The following ULK2 variants were observed in gnomAD, a reference collection of about 807,000 sequenced individuals.
The protein encoded by ULK2 is unc-51 like autophagy activating kinase 2.
A neutral mutation model predicts 127.5 loss-of-function variants in ULK2; 76 were observed. That is an observed-to-expected ratio of 0.60 (90% CI 0.50 to 0.72). ULK2 has a LOEUF of 0.72. ULK2 is among the 30% of genes least tolerant of loss of function. The pLI, the probability that ULK2 is intolerant of heterozygous loss-of-function variation, is 0.00. For missense variants in ULK2, 1,144 were observed against 1,295.9 expected (o/e 0.88, Z 1.80); for synonymous variants, 452 against 461.9 (o/e 0.98, Z 0.28).
chr17:19,856,034 T>C (rs2042119690), intron 3 of ULK2: 1 of 152,018 alleles, frequency 6.6e-6, no homozygotes, highest in Admixed American at 6.6e-5. Flanking sequence ...AAATAAGTAT[T>C]TAAAAATAAA....
intron 13 of ULK2, among the ~76,000 whole-genome samples, chr17:19,814,450 T>TGTTGTTGTTG (rs1245288933): frequency 1.7e-5 from 1 of 60,112 alleles, no homozygotes; most frequent in African/African-American, 7.7e-5. Flanking sequence ...TTTTTTTTTT[T>TGTTGTTGTTG]TTTTTTTTTT....
intron 21 of ULK2, 141 bp from the exon 22 acceptor site, chr17:19,784,046 T>A (rs1733996016): frequency 1.8e-6 from 1 of 551,250 alleles, no homozygotes; most frequent in African/African-American, 1.9e-5. Flanking sequence ...CTATGTACTA[T>A]TTGAGGATAT....
chr17:19,782,939 C>CAAACAAACAAAT (rs540563164), intron 22 of ULK2, among the ~76,000 whole-genome samples: 4 of 151,046 alleles, frequency 2.6e-5, no homozygotes, highest in Non-Finnish European at 3.0e-5. Flanking sequence ...AACAAACAAA[C>CAAACAAACAAAT]AAATAAATAA....
At chr17:19,852,433 A>C (rs1451400278) in intron 3 of ULK2, among the ~76,000 whole-genome samples, 3 of 148,752 alleles carry the variant, frequency 2.0e-5, no homozygotes, top group Non-Finnish European at 4.5e-5. Context: ...AGGCAGGAGA[A>C]TAGTGTGAAC....
At position 19,804,735 on chromosome 17, in the gene ULK2, G is replaced by T. The variant is rs1375643790; in HGVS notation, c.1253C>A (p.Thr418Lys). Residue 418 changes from threonine (T) to lysine (K), a missense_variant, in exon 15 of 27, where the codon ACA becomes AAA. Around this residue, in one of 2 missense-constraint regions of ULK2, gnomAD observed 913 missense variants for 970.5 expected, o/e 0.94. Transcript: ENST00000395544. Reference sequence around the variant, plus strand: ...ATTTGTGCCTGAGCTGGCAGTAGATGTAAGATTCTGCTCTATGCGCTGATA... The same window carrying T: ...ATTTGTGCCTGAGCTGGCAGTAGATTTAAGATTCTGCTCTATGCGCTGATA... The part of the protein sequence containing the change: ...RNYQRIEQNL[T>K]STASSGTNVH... 3 of 1,610,026 alleles carry T rather than the reference G, an allele frequency of 1.9e-6. No homozygotes were observed. The highest frequency in any genetic ancestry group is 3.3e-5 in the Admixed American group (2 of 59,756).
intron 20 of ULK2, among the ~76,000 whole-genome samples, chr17:19,786,596 C>T (rs1456705215): frequency 6.6e-6 from 1 of 151,964 alleles, no homozygotes; most frequent in Non-Finnish European, 1.5e-5. Context: ...TGCCTGTAAT[C>T]CCAGCTACTC....
chr17:19,793,434 C>A (rs148441870), intron 20 of ULK2, among the ~76,000 whole-genome samples: 1 of 152,172 alleles, frequency 6.6e-6, no homozygotes, highest in African/African-American at 2.4e-5. Context: ...GGTGCTGCGA[C>A]CACTGAATAG....
At chr17:19,827,351 G>A (rs2041320526) in intron 10 of ULK2, among the ~76,000 whole-genome samples, 1 of 152,142 alleles carries the variant, frequency 6.6e-6, no homozygotes, top group African/African-American at 2.4e-5. Context: ...GAGTTAGTAA[G>A]GTGAGGGACT....
At chr17:19,814,404 T>TTATATACATA (rs1567696298) in intron 13 of ULK2, among the ~76,000 whole-genome samples, 147 of 127,574 alleles carry the variant, frequency 1.2e-3, no homozygotes, top group African/African-American at 4.8e-3. Context: ...ATGTCTGTTA[T>TTATATACATA]TATATACATA....
chr17:19,835,532 C>T (rs1313461967), intron 10 of ULK2, among the ~76,000 whole-genome samples: 4 of 150,324 alleles, frequency 2.7e-5, no homozygotes, highest in African/African-American at 7.3e-5. Context: ...CTGGCTAACA[C>T]GGTGAAACCC....
chr17:19,780,128 C>T lies in ULK2; in HGVS notation c.2916+344G>A, dbSNP rs1232034034. On this transcript the variant is annotated intron_variant, in intron 25 of 26. Transcript: ENST00000395544. Reference sequence around the variant, plus strand: ...AGCAGAGGTTGCAGTGAGCTGAGATCGTGCCACTGTACTCCAGCCTGGGCG... The same window carrying T: ...AGCAGAGGTTGCAGTGAGCTGAGATTGTGCCACTGTACTCCAGCCTGGGCG... Among the ~76,000 whole-genome samples the T allele has an allele frequency of 2.4e-4, 36 of 149,772 alleles. 1 individual carries two copies. The highest frequency in any genetic ancestry group is 2.3e-3 in the Admixed American group (35 of 14,924).
At chr17:19,841,436 TA>T in intron 9 of ULK2, 52 bp downstream of exon 9, 1 of 1,486,180 alleles carries the variant, frequency 6.7e-7, no homozygotes, top group South Asian at 1.2e-5. Context: ...ACAGTTCAAA[TA>T]AACAACACTG....
intron 7 of ULK2, among the ~76,000 whole-genome samples, chr17:19,845,052 A>C (rs1420295802): frequency 6.6e-6 from 1 of 152,224 alleles, no homozygotes; most frequent in Admixed American, 6.5e-5. Flanking sequence ...TTTCAACTTA[A>C]TAGATTTGTC....
Position 19,840,155 on chromosome 17 carries a change from C to T in ULK2, c.704+1334G>A, listed in dbSNP as rs565436050. On this transcript the variant is annotated intron_variant, in intron 9 of 26. Transcript: ENST00000395544. ...CGTTCCCAAAGTATACTCTATCACG[C>T]CTGGCCACTGTGCCCCCGACCCTCA... The T allele has an allele frequency of 3.5e-5, 16 of 456,348 alleles. No individual in the cohort carries two copies. In the East Asian group the frequency reaches 1.1e-3, roughly 30 times the overall value. The allele number at this position is 456,348 out of a possible 1,614,324, so 28.3% of individuals were successfully genotyped here. A position where few individuals can be genotyped will look rare whatever the true frequency, so the allele number is the denominator to read the frequency against.
At chr17:19,828,356 A>G (rs1265589249) in intron 10 of ULK2, among the ~76,000 whole-genome samples, 3 of 152,236 alleles carry the variant, frequency 2.0e-5, no homozygotes, top group Admixed American at 1.3e-4. Flanking sequence ...CTGGCAATTT[A>G]AAATCCAATA....
chr17:19,865,661 G>GA (rs2042336646), intron 2 of ULK2, 75 bp downstream of exon 2: 1 of 875,762 alleles, frequency 1.1e-6, no homozygotes, highest in Admixed American at 4.0e-5. Flanking sequence ...TACCAAAATT[G>GA]AAAAGGATGG....
At chr17:19,797,321 G>T in intron 18 of ULK2, 75 bp downstream of exon 18, 1 of 1,422,196 alleles carries the variant, frequency 7.0e-7, no homozygotes, top group Non-Finnish European at 9.4e-7. Flanking sequence ...AAAAATTATA[G>T]CTATTCTCAT....
At chr17:19,829,011 T>C (rs965199714) in intron 10 of ULK2, among the ~76,000 whole-genome samples, 2 of 152,140 alleles carry the variant, frequency 1.3e-5, no homozygotes, top group Admixed American at 1.3e-4. Flanking sequence ...GAGGTTGCAG[T>C]GAGCTGAGAT....
chr17:19,848,744 T>A (rs1021419726), intron 5 of ULK2, among the ~76,000 whole-genome samples: 2 of 151,578 alleles, frequency 1.3e-5, no homozygotes, highest in Admixed American at 1.3e-4. Context: ...ACCACTGCAC[T>A]GCAGCCTGGG....
Sources: gnomAD v4.1 joint callset for allele counts (sites outside exome capture counted in the v4.1 genomes callset) on GRCh38, gnomAD v4.1.1 for gene constraint, gnomAD v4.1.1 regional missense constraint, MANE v1.5 for transcripts, NCBI Gene and HGNC (gene_info 2026-07-23, HGNC 2026-07-21) for gene names.